CNTNAP2: variants seen among roughly 807,000 people sequenced by gnomAD.
CNTNAP2 encodes the protein contactin associated protein 2, also known as contactin-associated protein-like 2.
A neutral mutation model predicts 155.2 loss-of-function variants in CNTNAP2; 98 were observed. That is an observed-to-expected ratio of 0.63 (90% confidence interval 0.54 to 0.75). The LOEUF is 0.75. Ranked by LOEUF, CNTNAP2 falls within the 30% of genes least tolerant of loss-of-function variation. The pLI is 0.00. For missense variants in CNTNAP2, 1,727 were observed against 1,688.1 expected, an observed-to-expected ratio of 1.02 and a Z score of -0.40; for synonymous variants, 651 against 631.2, an observed-to-expected ratio of 1.03 and a Z score of -0.47.
chr7:146,175,100 G>T (rs556631284), intron 1 of CNTNAP2, among the ~76,000 whole-genome samples: 3 of 152,250 alleles, frequency 2.0e-5, no homozygotes, highest in African/African-American at 7.2e-5. Context: ...GAAACCAGCT[G>T]TTAGAGGATG....
At chr7:147,103,583 C>A (rs949636284) in intron 4 of CNTNAP2, among the ~76,000 whole-genome samples, 4 of 151,818 alleles carry the variant, frequency 2.6e-5, no homozygotes, top group South Asian at 4.1e-4. Flanking sequence ...GATTCATATG[C>A]TTTATATGTA....
At chr7:146,330,065 C>T (rs1801158848) in intron 1 of CNTNAP2, among the ~76,000 whole-genome samples, 2 of 128,958 alleles carry the variant, frequency 1.6e-5, no homozygotes, top group Admixed American at 1.6e-4. Flanking sequence ...TCTTGTTGCC[C>T]AGGCTGGAGT....
At chr7:147,786,683 G>A (rs1797745012) in intron 13 of CNTNAP2, among the ~76,000 whole-genome samples, 1 of 152,034 alleles carries the variant, frequency 6.6e-6, no homozygotes, top group Non-Finnish European at 1.5e-5. Context: ...AAAGCACTGT[G>A]GAGGCCTGGC....
intron 2 of CNTNAP2, among the ~76,000 whole-genome samples, chr7:146,791,074 C>A (rs569745368): frequency 6.6e-6 from 1 of 152,088 alleles, no homozygotes; most frequent in African/African-American, 2.4e-5. Flanking sequence ...TCCCCCAGCC[C>A]CTACCCCCTG....
chr7:147,089,767 A>C (rs1315473959), intron 4 of CNTNAP2, among the ~76,000 whole-genome samples: 1 of 152,166 alleles, frequency 6.6e-6, no homozygotes, highest in African/African-American at 2.4e-5. Flanking sequence ...GCAAATTCAT[A>C]AGCTATAAAG....
At chr7:147,265,771 G>A (rs917837866) in intron 8 of CNTNAP2, among the ~76,000 whole-genome samples, 1 of 152,066 alleles carries the variant, frequency 6.6e-6, no homozygotes, top group Non-Finnish European at 1.5e-5. Flanking sequence ...GCATCCGGTC[G>A]GTGCCCCTTG....
intron 13 of CNTNAP2, among the ~76,000 whole-genome samples, chr7:147,781,778 C>T (rs1196491826): frequency 6.6e-6 from 1 of 152,212 alleles, no homozygotes. Flanking sequence ...AATCCCAGCA[C>T]TTTGGGAGGC....
intron 1 of CNTNAP2, among the ~76,000 whole-genome samples, chr7:146,548,735 A>T (rs990718571): frequency 2.1e-5 from 3 of 145,136 alleles, no homozygotes; most frequent in Non-Finnish European, 3.0e-5. Context: ...GGAGTTTCTT[A>T]TATATTTTGG....
chr7:146,269,204 G>A (rs1800041568), intron 1 of CNTNAP2, among the ~76,000 whole-genome samples: 2 of 152,158 alleles, frequency 1.3e-5, no homozygotes, highest in Admixed American at 1.3e-4. Flanking sequence ...GCCAGGCACG[G>A]TGGCACGCGC....
At chr7:147,916,211 G>A (rs1222471958) in intron 14 of CNTNAP2, among the ~76,000 whole-genome samples, 2 of 152,102 alleles carry the variant, frequency 1.3e-5, no homozygotes, top group Non-Finnish European at 2.9e-5. Flanking sequence ...AAGGGGAAAT[G>A]TCCTGTCTCT....
chr7:147,730,382 A>G (rs1236182380), intron 13 of CNTNAP2, among the ~76,000 whole-genome samples: 2 of 152,108 alleles, frequency 1.3e-5, no homozygotes, highest in African/African-American at 4.8e-5. Context: ...TGCTCACTTC[A>G]TACCTCAGTG....
intron 1 of CNTNAP2, among the ~76,000 whole-genome samples, chr7:146,535,916 A>G (rs925098811): frequency 1.3e-5 from 2 of 152,114 alleles, no homozygotes; most frequent in Non-Finnish European, 2.9e-5. Flanking sequence ...TGATGGTGGC[A>G]TTTAATTATG....
intron 3 of CNTNAP2, among the ~76,000 whole-genome samples, chr7:147,011,886 A>G (rs984071103): frequency 2.0e-5 from 3 of 152,232 alleles, no homozygotes; most frequent in African/African-American, 7.2e-5. Flanking sequence ...TAGAGAGGCC[A>G]AGAAGAATCC....
chr7:146,300,608 G>A (rs980497457), intron 1 of CNTNAP2, among the ~76,000 whole-genome samples: 6 of 152,044 alleles, frequency 3.9e-5, no homozygotes, highest in Non-Finnish European at 8.8e-5. Flanking sequence ...TATAGCCAGA[G>A]TCTTTTAGGT....
At chr7:147,638,277 C>T (rs1475344905) in intron 12 of CNTNAP2, among the ~76,000 whole-genome samples, 1 of 152,070 alleles carries the variant, frequency 6.6e-6, no homozygotes, top group African/African-American at 2.4e-5. Context: ...ATCATTTCTC[C>T]AGGGATCCTA....
intron 1 of CNTNAP2, among the ~76,000 whole-genome samples, chr7:146,413,142 C>T (rs1196868959): frequency 6.6e-6 from 1 of 152,132 alleles, no homozygotes; most frequent in Non-Finnish European, 1.5e-5. Context: ...TGAGACTTCT[C>T]TAGTATTTTA....
intron 8 of CNTNAP2, among the ~76,000 whole-genome samples, chr7:147,170,729 A>G (rs7802451): frequency 0.62 from 93,538 of 151,970 alleles, 29,163 homozygotes; most frequent in Middle Eastern, 0.72. Flanking sequence ...CTGGGGATCT[A>G]AGGGGCCGCA....
At chr7:148,133,672 T>G (rs1585143767) in intron 16 of CNTNAP2, 1 of 152,026 alleles carries the variant, frequency 6.6e-6, no homozygotes, top group East Asian at 1.9e-4. Context: ...TTCCTTGCCC[T>G]CCTCCCTTTG....
At chr7:146,693,526 TTAGAA>T (rs1203453912) in intron 1 of CNTNAP2, among the ~76,000 whole-genome samples, 1 of 152,146 alleles carries the variant, frequency 6.6e-6, no homozygotes, top group Non-Finnish European at 1.5e-5. Context: ...TCCAGGATAC[TTAGAA>T]TAGGGAAAAA....
Sources: allele counts gnomAD v4.1 joint callset (sites outside exome capture counted in the v4.1 genomes callset), GRCh38; gene constraint gnomAD v4.1.1; transcripts MANE v1.5; gene names NCBI Gene and HGNC (gene_info 2026-07-23, HGNC 2026-07-21).